GMDS: variants seen among roughly 807,000 people sequenced by gnomAD.
GMDS encodes GDP-mannose 4,6 dehydratase.
In GMDS, 20 loss-of-function variants were observed where a neutral mutation model predicts 49.9. That is an observed-to-expected ratio of 0.40 (90% CI 0.28 to 0.58). GMDS has a LOEUF of 0.58. GMDS is among the 20% of genes least tolerant of loss of function. The pLI is 0.42. For synonymous variants in GMDS, 177 were observed against 178.6 expected (o/e 0.99, Z 0.07); for missense variants, 362 against 481.4 (o/e 0.75, Z 2.32).
At chr6:2,118,452 G>T (rs575425043) in intron 2 of GMDS, among the ~76,000 whole-genome samples, 2 of 152,088 alleles carry the variant, frequency 1.3e-5, no homozygotes, top group African/African-American at 4.8e-5. Context: ...AAGTTCATTT[G>T]CAGCTGAATA....
chr6:1,663,908 G>A (rs892383553), intron 9 of GMDS, among the ~76,000 whole-genome samples: 5 of 152,102 alleles, frequency 3.3e-5, no homozygotes, highest in African/African-American at 9.7e-5. Flanking sequence ...ATGAATGGGA[G>A]CATGTAATTT....
In GMDS at chr6:2,223,976, A is replaced by G. The variant is rs77598181; in HGVS notation, c.102+21345T>C. ...CCTGCAAGGGTGGGCAGAACAATGC[A>G]CTGACAAAGAGGTACAAGGAAAACC... is the stretch of plus-strand genomic sequence containing the variant. On this transcript the variant is annotated intron_variant, in intron 1 of 10. Transcript: ENST00000380815. Among the ~76,000 whole-genome samples the G allele has an allele frequency of 1.2e-3, 180 of 152,330 alleles. No homozygotes were observed. The East Asian group carries it at 0.03, about 25-fold the overall frequency.
At chr6:2,112,101 A>T (rs1022937955) in intron 4 of GMDS, among the ~76,000 whole-genome samples, 1 of 152,236 alleles carries the variant, frequency 6.6e-6, no homozygotes, top group Non-Finnish European at 1.5e-5. Flanking sequence ...GGTATGGAAC[A>T]GGGATTTCGA....
intron 4 of GMDS, among the ~76,000 whole-genome samples, chr6:2,038,774 G>T (rs558012047): frequency 5.3e-5 from 8 of 152,178 alleles, no homozygotes; most frequent in African/African-American, 1.7e-4. Flanking sequence ...AAACATGAGG[G>T]TTATTTGGAG....
At chr6:2,034,959 G>A (rs908640247) in intron 4 of GMDS, among the ~76,000 whole-genome samples, 1 of 152,058 alleles carries the variant, frequency 6.6e-6, no homozygotes, top group Non-Finnish European at 1.5e-5. Flanking sequence ...TGGTTGGGGG[G>A]AAAAAGAAGA....
chr6:2,023,519 A>G (rs1768398422), intron 4 of GMDS, among the ~76,000 whole-genome samples: 1 of 152,214 alleles, frequency 6.6e-6, no homozygotes, highest in Non-Finnish European at 1.5e-5. Context: ...CATTCCACGG[A>G]GGGCAGAGAT....
chr6:1,834,698 A>T (rs1163190754), intron 7 of GMDS, among the ~76,000 whole-genome samples: 1 of 152,194 alleles, frequency 6.6e-6, no homozygotes, highest in African/African-American at 2.4e-5. Context: ...TAACTTATTA[A>T]ACTATACAAT....
intron 6 of GMDS, among the ~76,000 whole-genome samples, chr6:1,939,447 T>A (rs1762705546): frequency 6.6e-6 from 1 of 151,940 alleles, no homozygotes; most frequent in African/African-American, 2.4e-5. Context: ...TTGACTGCTA[T>A]CTACTGATTA....
At position 2,124,750 on chromosome 6, in the gene GMDS, T is replaced by A. The variant is rs371921639; in HGVS notation, c.103-19A>T. On this transcript the variant is annotated intron_variant, in intron 1 of 10. Transcript: ENST00000380815. ...AACCATCCTGGGGAGAAAGAAAAAA[T>A]TGCAAAACGTCAGTCTCATAGTGGT... 116 of 1,606,028 alleles carry A rather than the reference T, an allele frequency of 7.2e-5. No individual in the cohort carries two copies. The Middle Eastern group carries it at 8.2e-4, about 11-fold the overall frequency.
intron 9 of GMDS, among the ~76,000 whole-genome samples, chr6:1,684,683 A>G (rs9378303): frequency 0.36 from 53,964 of 152,000 alleles, 9,869 homozygotes; most frequent in East Asian, 0.49. Flanking sequence ...ACTACAAAGC[A>G]GGAGGAGCGA....
chr6:2,184,399 C>G (rs949583992), intron 1 of GMDS, among the ~76,000 whole-genome samples: 1 of 152,186 alleles, frequency 6.6e-6, no homozygotes, highest in Non-Finnish European at 1.5e-5. Flanking sequence ...TACCTTCCCC[C>G]CACCTCTCTT....
Position 1,916,293 on chromosome 6 carries a change from C to T in GMDS, c.771+13810G>A, listed in dbSNP as rs796089853. ...AGGGTGCAGCTGAAGGAAAATGGGG[C>T]GTCTGCCAGCTGCTCACCAGGCTCT... On this transcript the variant is annotated intron_variant, in intron 7 of 10. Coordinates refer to ENST00000380815, the MANE Select transcript of GMDS (RefSeq NM_001500.4). 1.1e-4 allele frequency among the ~76,000 whole-genome samples: 16 copies of T among 152,046 alleles called. No individual in the cohort carries two copies. In the South Asian group the frequency reaches 1.5e-3, roughly 14 times the overall value.
At chr6:2,061,332 T>C (rs1461666577) in intron 4 of GMDS, among the ~76,000 whole-genome samples, 1 of 152,132 alleles carries the variant, frequency 6.6e-6, no homozygotes, top group Non-Finnish European at 1.5e-5. Context: ...TAAGAAGTCA[T>C]TATGGTATTT....
rs370694785 is a variant in GMDS, at chr6:2,037,682, C to T, written c.346-76716G>A. ...CAAATTATGCTGTAACATAACAAAG[C>T]GCCTGGATGCTGTGAATAGAAAGAA... On this transcript the variant is annotated intron_variant, in intron 4 of 10. Transcript: ENST00000380815. Among the ~76,000 whole-genome samples, 6 of 152,238 alleles carry T rather than the reference C, an allele frequency of 3.9e-5. No homozygotes were observed. In the South Asian group the frequency reaches 6.2e-4, roughly 16 times the overall value.
intron 4 of GMDS, among the ~76,000 whole-genome samples, chr6:2,057,379 C>A (rs577363614): frequency 4.1e-4 from 63 of 152,324 alleles, no homozygotes; most frequent in African/African-American, 1.5e-3. Flanking sequence ...TCATACTTGA[C>A]ACTTACATCA....
intron 4 of GMDS, among the ~76,000 whole-genome samples, chr6:1,992,662 T>TGC (rs57655953): frequency 0.44 from 66,822 of 151,800 alleles, 15,168 homozygotes; most frequent in African/African-American, 0.56. Flanking sequence ...GCACTCCCAA[T>TGC]CCTTGGCCTA....
intron 9 of GMDS, among the ~76,000 whole-genome samples, chr6:1,629,824 C>T (rs771963716): frequency 1.2e-3 from 178 of 152,260 alleles, no homozygotes; most frequent in Admixed American, 3.3e-3. Flanking sequence ...TTGGGATCAG[C>T]GGCTGTTAAG....
chr6:1,778,112 C>A lies in GMDS; in HGVS notation c.772-35526G>T, dbSNP rs1381390381. ...ACTTTGTTTTATTTTGATAGAGTGC[C>A]AAAACAGTACTGCATTCCTTAAAGA... is the stretch of plus-strand genomic sequence containing the variant. On this transcript the variant is annotated intron_variant, in intron 7 of 10. Coordinates refer to ENST00000380815, the MANE Select transcript of GMDS (RefSeq NM_001500.4). This position sits in a 1 kb window ranked among gnomAD's most constrained non-coding sequence, Gnocchi z 4.6. Among the ~76,000 whole-genome samples the A allele has an allele frequency of 1.3e-5, 2 of 152,046 alleles. No individual in the cohort carries two copies. The highest frequency in any genetic ancestry group is 4.8e-5 in the African/African-American group (2 of 41,366).
chr6:1,877,644 T>TAAAAAAAA (rs60037634), intron 7 of GMDS, among the ~76,000 whole-genome samples: 19 of 90,512 alleles, frequency 2.1e-4, no homozygotes, highest in East Asian at 8.8e-4. Context: ...TCTCAAAAAT[T>TAAAAAAAA]AAAAAAAAAA....
Sources: allele counts gnomAD v4.1 joint callset (sites outside exome capture counted in the v4.1 genomes callset), GRCh38; gene constraint gnomAD v4.1.1; non-coding constraint Gnocchi (gnomAD v3.1); transcripts MANE v1.5; gene names NCBI Gene and HGNC (gene_info 2026-07-23, HGNC 2026-07-21).